CCNH: variants seen among roughly 807,000 people sequenced by gnomAD.
The protein encoded by CCNH is cyclin-H.
Under a neutral mutation model 41.9 loss-of-function variants are expected in CCNH, and 31 were observed. The ratio of observed to expected loss-of-function variants is 0.74; its 90% CI spans 0.56 to 1.00. CCNH has a LOEUF of 1.00. CCNH is among the 50% of genes least tolerant of loss of function. CCNH has a pLI of 0.00. For missense variants in CCNH, 362 were observed against 388.4 expected (o/e 0.93, Z 0.57); for synonymous variants, 138 against 136.1 (o/e 1.01, Z -0.10).
intron 6 of CCNH, among the ~76,000 whole-genome samples, chr5:87,401,258 A>G (rs1016076432): frequency 1.3e-5 from 2 of 152,208 alleles, no homozygotes; most frequent in East Asian, 3.8e-4. Flanking sequence ...AGCATCTTTA[A>G]TTCTTTCTCT....
chr5:87,387,743 A>G (rs1432587233), downstream of CCNH, among the ~76,000 whole-genome samples: 1 of 152,182 alleles, frequency 6.6e-6, no homozygotes, highest in Non-Finnish European at 1.5e-5. Flanking sequence ...AACCTCAGGT[A>G]TAAAAACTAG....
At position 87,394,728 on chromosome 5, in the gene CCNH, C is replaced by CAGAT. The variant is rs373187111; in HGVS notation, c.934-248_934-245dup. Reference sequence around the variant, plus strand: ...CTGATTATTCACTTATTTGACTTGACAGATAGAAAATTTTTTTTAAAAGGG... The same window carrying CAGAT: ...CTGATTATTCACTTATTTGACTTGACAGATAGATAGAAAATTTTTTTTAAAAGGG... On this transcript the variant is annotated intron_variant, in intron 8 of 8. Coordinates refer to ENST00000256897, the MANE Select transcript of CCNH (RefSeq NM_001239.4). 3.4e-3 allele frequency: 4,532 copies of CAGAT among 1,325,318 alleles called. 108 individuals carry two copies. The African/African-American group carries it at 0.056, about 16-fold the overall frequency. The allele number at this position is 1,325,318 out of a possible 1,614,324, so 82.1% of individuals were successfully genotyped here. A position where few individuals can be genotyped will look rare whatever the true frequency, so the allele number is the denominator to read the frequency against.
chr5:87,331,604 TAGAG>T, intron 9 of CCNH: 1 of 1,256,274 alleles, frequency 8.0e-7, no homozygotes, highest in Non-Finnish European at 1.1e-6. Context: ...TAACAAATAA[TAGAG>T]AAGGAAGCTT....
chr5:87,399,671 A>G (rs1278417947), intron 6 of CCNH, among the ~76,000 whole-genome samples, 166 bp from the exon 7 acceptor site: 7 of 152,356 alleles, frequency 4.6e-5, no homozygotes, highest in Admixed American at 2.0e-4. Context: ...TTAAAATCCA[A>G]TAAGCACTGT....
At chr5:87,331,924 T>C (rs1360724071) in intron 9 of CCNH, among the ~76,000 whole-genome samples, 1 of 152,082 alleles carries the variant, frequency 6.6e-6, no homozygotes, top group African/African-American at 2.4e-5. Context: ...GAAACAGACA[T>C]ATAAATTTTC....
chr5:87,411,311 A>G lies in CCNH; in HGVS notation c.153T>C (p.His51=), dbSNP rs975318834. 24 of 1,612,326 alleles carry G rather than the reference A, an allele frequency of 1.5e-5. No homozygotes were observed. The African/African-American group carries it at 1.7e-4, about 12-fold the overall frequency. Residue 51 remains histidine (H), a synonymous_variant, in exon 2 of 9, where the codon CAT becomes CAC. Transcript: ENST00000256897. ...LPNDPVFLEP[H]EEMTLCKYYE... ...AGTATTTGCAGAGTGTCATTTCTTC[A>G]TGAGGCTCAAGAAAGACTGGATCAT...
intron 9 of CCNH, chr5:87,338,222 T>G (rs932928476): frequency 1.4e-6 from 2 of 1,399,406 alleles, no homozygotes; most frequent in African/African-American, 2.9e-5. Flanking sequence ...AGTACAAGAA[T>G]TATAAGTGCT....
intron 9 of CCNH, among the ~76,000 whole-genome samples, chr5:87,346,186 A>G (rs1462167624): frequency 6.6e-6 from 1 of 152,008 alleles, no homozygotes; most frequent in Non-Finnish European, 1.5e-5. Context: ...GGTGCTATCC[A>G]CTCATTCTTA....
At chr5:87,408,380 G>A (rs1482976192) in intron 3 of CCNH, among the ~76,000 whole-genome samples, 194 bp from the exon 4 acceptor site, 9 of 152,158 alleles carry the variant, frequency 5.9e-5, no homozygotes, top group Non-Finnish European at 1.3e-4. Context: ...ATTAGGAGAC[G>A]TAAGACAACT....
intron 5 of CCNH, among the ~76,000 whole-genome samples, chr5:87,403,093 C>T (rs1448005264): frequency 6.6e-6 from 1 of 152,174 alleles, no homozygotes; most frequent in Non-Finnish European, 1.5e-5. Flanking sequence ...GAGGCATTAT[C>T]CAGACTATGA....
intron 9 of CCNH, among the ~76,000 whole-genome samples, chr5:87,366,726 T>A (rs1174540185): frequency 6.6e-6 from 1 of 152,198 alleles, no homozygotes. Flanking sequence ...AGTCTCTCAT[T>A]TAGAAAACAG....
chr5:87,403,183 A>G (rs1323705160), intron 5 of CCNH, among the ~76,000 whole-genome samples: 1 of 151,930 alleles, frequency 6.6e-6, no homozygotes, highest in Non-Finnish European at 1.5e-5. Flanking sequence ...ATTTGCCTGT[A>G]AATCAGCTGT....
intron 9 of CCNH, among the ~76,000 whole-genome samples, chr5:87,384,168 T>C (rs977967411): frequency 1.1e-4 from 17 of 152,202 alleles, no homozygotes; most frequent in Non-Finnish European, 1.9e-4. Context: ...TTAAATGATA[T>C]GTACAGTTGG....
At chr5:87,346,508 A>G (rs1191955279) in intron 9 of CCNH, among the ~76,000 whole-genome samples, 1 of 151,978 alleles carries the variant, frequency 6.6e-6, no homozygotes, top group Non-Finnish European at 1.5e-5. Context: ...TAAGTATAAT[A>G]TGTATATAAA....
intron 9 of CCNH, among the ~76,000 whole-genome samples, chr5:87,386,071 C>T (rs1046039778): frequency 2.6e-5 from 4 of 152,000 alleles, no homozygotes; most frequent in African/African-American, 9.7e-5. Flanking sequence ...ACTTTTATTG[C>T]TCCTCACAGC....
chr5:87,365,466 G>A (rs915947060), intron 9 of CCNH, among the ~76,000 whole-genome samples: 5 of 151,978 alleles, frequency 3.3e-5, no homozygotes, highest in Admixed American at 1.3e-4. Flanking sequence ...TACCTTTTAT[G>A]TTCAAGCAGA....
At chr5:87,355,799 C>T (rs993907661) in intron 9 of CCNH, among the ~76,000 whole-genome samples, 2 of 152,156 alleles carry the variant, frequency 1.3e-5, no homozygotes, top group African/African-American at 4.8e-5. Context: ...GCCAAAATAA[C>T]AACATTAACA....
At chr5:87,381,679 G>C (rs1311819573), upstream of CCNH, among the ~76,000 whole-genome samples, 4 of 152,142 alleles carry the variant, frequency 2.6e-5, no homozygotes, top group Non-Finnish European at 5.9e-5. Flanking sequence ...TGGTGATTGG[G>C]AGGAATAGAA....
chr5:87,366,816 A>T (rs948007161), intron 9 of CCNH, among the ~76,000 whole-genome samples: 13 of 152,128 alleles, frequency 8.5e-5, no homozygotes, highest in Admixed American at 6.5e-5. Context: ...CTGATCGCTT[A>T]AGCTCAGGGG....
Sources: gnomAD v4.1 joint callset for allele counts (sites outside exome capture counted in the v4.1 genomes callset) on GRCh38, gnomAD v4.1.1 for gene constraint, MANE v1.5 for transcripts, NCBI Gene and HGNC (gene_info 2026-07-23, HGNC 2026-07-21) for gene names.